The following THNSL1 variants were observed in gnomAD, a reference collection of about 807,000 sequenced individuals.
THNSL1 encodes the protein threonine synthase-like 1.
Under a neutral mutation model 50.4 loss-of-function variants are expected in THNSL1, and 48 were observed. The observed-to-expected ratio is 0.95, with a 90% CI of 0.76 to 1.21. The LOEUF (loss-of-function observed/expected upper bound fraction) is 1.21. THNSL1 is among the 50% of genes most tolerant of loss of function. The probability of loss-of-function intolerance (pLI) is 0.00; values close to 1 mark genes in which losing one functional copy is unlikely to be tolerated. For missense variants in THNSL1, 896 were observed against 871.7 expected (o/e 1.03, Z -0.35); for synonymous variants, 309 against 306.1 (o/e 1.01, Z -0.10).
the THNSL1 span, among the ~76,000 whole-genome samples, chr10:24,980,072 AC>A: frequency 6.6e-6 from 1 of 152,172 alleles, no homozygotes; most frequent in Non-Finnish European, 1.5e-5. Context: ...CAACTAGTCC[AC>A]TAACTAATCT....
At chr10:25,003,479 T>A in the THNSL1 span, among the ~76,000 whole-genome samples, 6 of 152,228 alleles carry the variant, frequency 3.9e-5, no homozygotes, top group Admixed American at 2.0e-4. Flanking sequence ...AGTGCTGGGA[T>A]AACAGATGTG....
chr10:25,015,618 G>C (rs878961654), upstream of THNSL1, among the ~76,000 whole-genome samples: 1 of 152,078 alleles, frequency 6.6e-6, no homozygotes, highest in South Asian at 2.1e-4. Context: ...ATTAATAAGA[G>C]GTTAAGTGTA....
At chr10:25,015,708 A>T (rs1046863976), upstream of THNSL1, 1 of 662,814 alleles carries the variant, frequency 1.5e-6, no homozygotes, top group Non-Finnish European at 2.2e-6. Flanking sequence ...AGATATTTCG[A>T]CCTTTTCTCT....
chr10:25,007,373 G>A, the THNSL1 span, among the ~76,000 whole-genome samples: 1 of 152,144 alleles, frequency 6.6e-6, no homozygotes, highest in Non-Finnish European at 1.5e-5. Context: ...TGCCAGAGAG[G>A]TGTGCTAATG....
chr10:24,988,316 G>A, the THNSL1 span, among the ~76,000 whole-genome samples: 17 of 141,098 alleles, frequency 1.2e-4, no homozygotes, highest in African/African-American at 4.5e-4. Flanking sequence ...TTATATGTGT[G>A]TATATATATT....
chr10:24,980,659 A>G, the THNSL1 span, among the ~76,000 whole-genome samples: 1 of 152,108 alleles, frequency 6.6e-6, no homozygotes, highest in Non-Finnish European at 1.5e-5. Flanking sequence ...TTTTGATAAA[A>G]TAAATTTTTT....
In THNSL1 at chr10:25,024,082, A is replaced by G. The variant is rs535140429; in HGVS notation, c.859A>G (p.Thr287Ala). The change falls in exon 3 of 3, where the codon ACC becomes GCC. Residue 287 changes from threonine to alanine, a missense_variant. Physicochemically the swap from Thr to Ala is moderately conservative, Grantham distance 58. Coordinates refer to ENST00000376356, the MANE Select transcript of THNSL1 (RefSeq NM_024838.5). Reference sequence around the variant, plus strand: ...GGAGTGGAAAAGCCTAGTAGGAGCAACCTACGTAGAAAGAGCACAGATACT... The same window carrying G: ...GGAGTGGAAAAGCCTAGTAGGAGCAGCCTACGTAGAAAGAGCACAGATACT... ...CGEWKSLVGATYVERAQILLE... is the reference protein window; with the variant it reads ...CGEWKSLVGAAYVERAQILLE... The G allele has an allele frequency of 1.1e-5, 18 of 1,614,122 alleles. 1 individual carries two copies. In the South Asian group the frequency reaches 2.0e-4, roughly 18 times the overall value.
the THNSL1 span, among the ~76,000 whole-genome samples, chr10:25,011,130 T>C: frequency 9.2e-5 from 14 of 151,838 alleles, no homozygotes; most frequent in African/African-American, 1.9e-4. Flanking sequence ...TTTTAATGAT[T>C]GCCATTCTAA....
the THNSL1 span, chr10:24,999,553 T>C: frequency 1.9e-6 from 3 of 1,596,374 alleles, no homozygotes; most frequent in African/African-American, 1.4e-5. Context: ...GTACCTAAAA[T>C]TGAATTTTAA....
chr10:24,993,520 T>A, the THNSL1 span, among the ~76,000 whole-genome samples: 1 of 152,254 alleles, frequency 6.6e-6, no homozygotes, highest in African/African-American at 2.4e-5. Flanking sequence ...TCTCATGGTA[T>A]GAATGGCATA....
At chr10:25,005,943 T>C in the THNSL1 span, among the ~76,000 whole-genome samples, 4 of 152,248 alleles carry the variant, frequency 2.6e-5, no homozygotes, top group Non-Finnish European at 5.9e-5. Context: ...CATGTGGATA[T>C]TGAGCACTTG....
the THNSL1 span, among the ~76,000 whole-genome samples, chr10:24,985,392 G>C: frequency 9.9e-5 from 15 of 152,100 alleles, no homozygotes; most frequent in African/African-American, 3.4e-4. Flanking sequence ...CTAACAAATG[G>C]GATTGTAAAA....
the THNSL1 span, among the ~76,000 whole-genome samples, chr10:24,973,748 A>C: frequency 6.6e-6 from 1 of 152,036 alleles, no homozygotes; most frequent in East Asian, 1.9e-4. Context: ...GATTTAAGAT[A>C]ATGATAACTC....
At chr10:24,987,404 A>C in the THNSL1 span, among the ~76,000 whole-genome samples, 3 of 152,088 alleles carry the variant, frequency 2.0e-5, no homozygotes, top group South Asian at 6.2e-4. Context: ...TGAGAGGCTG[A>C]GGGAGGAGGA....
the THNSL1 span, among the ~76,000 whole-genome samples, chr10:24,959,051 A>G: frequency 6.6e-6 from 1 of 152,180 alleles, no homozygotes; most frequent in South Asian, 2.1e-4. Flanking sequence ...CCCTAAAACA[A>G]TACTCTGTGG....
chr10:25,025,606 A>G lies in THNSL1; in HGVS notation c.*151A>G. 1 of 728,280 alleles carries G rather than the reference A, an allele frequency of 1.4e-6. No individual in the cohort carries two copies. The highest frequency in any genetic ancestry group is 2.2e-6 in the Non-Finnish European group (1 of 444,658). 45.1% of individuals were successfully genotyped at this position (728,280 alleles called of 1,614,324 possible). ...AAGTCTGATCTCTAGGGCTGACATG[A>G]GAACTCCATGTCACCTCCTCAGATC... is the stretch of plus-strand genomic sequence containing the variant. On this transcript the variant is annotated 3_prime_UTR_variant, in exon 3 of 3. Coordinates refer to ENST00000376356, the MANE Select transcript of THNSL1 (RefSeq NM_024838.5).
the THNSL1 span, among the ~76,000 whole-genome samples, chr10:24,993,625 T>C: frequency 6.6e-6 from 1 of 152,258 alleles, no homozygotes; most frequent in Non-Finnish European, 1.5e-5. Context: ...CTACCAATGA[T>C]AGATCTTTAA....
At chr10:25,020,276 A>ATCTATATCTATATCTATATC (rs1850693148) in intron 1 of THNSL1, among the ~76,000 whole-genome samples, 1 of 149,428 alleles carries the variant, frequency 6.7e-6, no homozygotes, top group Non-Finnish European at 1.5e-5. Context: ...ATCTATATCT[A>ATCTATATCTATATCTATATC]TATATATCTA....
chr10:25,025,381 T>G lies in THNSL1; in HGVS notation c.2158T>G (p.Tyr720Asp). ...AACAAAACAGCAAGAGAAGATGGAG[T>G]ACCAGGTCTGTGCAGCTGATATGAA... ...ERTKQQEKME[Y>D]QVCAADMNVL... The change falls in exon 3 of 3, where the codon TAC becomes GAC. Residue 720 changes from tyrosine to aspartate, a missense_variant. By Grantham distance (160) the Tyr-to-Asp change is radical. Coordinates refer to ENST00000376356, the MANE Select transcript of THNSL1 (RefSeq NM_024838.5). 1 of 1,614,086 alleles carries G rather than the reference T, an allele frequency of 6.2e-7. No individual in the cohort carries two copies. Among genetic ancestry groups the G allele is most frequent in the South Asian group, 1.1e-5 (1 of 91,076 alleles).
Sources: allele counts gnomAD v4.1 joint callset (sites outside exome capture counted in the v4.1 genomes callset), GRCh38; gene constraint gnomAD v4.1.1; transcripts MANE v1.5; gene names NCBI Gene and HGNC (gene_info 2026-07-23, HGNC 2026-07-21).